The following FRMD4A variants were observed in gnomAD, a reference collection of about 807,000 sequenced individuals.
FRMD4A encodes FERM domain containing 4A, also known as FERM domain-containing protein 4A.
FRMD4A carries 29 observed loss-of-function variants against 129.1 expected under a neutral mutation model. The ratio of observed to expected loss-of-function variants is 0.22; its 90% CI spans 0.17 to 0.31. The LOEUF is 0.31. Ranked by LOEUF, FRMD4A falls within the 10% of genes least tolerant of loss-of-function variation. FRMD4A has a pLI of 1.00. For synonymous variants in FRMD4A, 634 were observed against 571.6 expected, an observed-to-expected ratio of 1.11 and a Z score of -1.56; for missense variants, 1,272 against 1,375.8, an observed-to-expected ratio of 0.92 and a Z score of 1.19.
intron 2 of FRMD4A, chr10:13,891,775 GCCGCCGCCC>G: frequency 4.2e-6 from 4 of 954,904 alleles, no homozygotes; most frequent in Non-Finnish European, 4.9e-6. Context: ...CCCCGTCCCC[GCCGCCGCCC>G]CCGCCGCGGG....
rs150347866 is a variant in FRMD4A, at chr10:13,660,411, A to G, written c.1803T>C (p.Tyr601=). 61 of 1,614,168 alleles carry G rather than the reference A, an allele frequency of 3.8e-5. No homozygotes were observed. In the African/African-American group the frequency reaches 7.9e-4, roughly 21 times the overall value. The change falls in exon 20 of 25, where the codon TAT becomes TAC. Residue 601 remains tyrosine (Y), a synonymous_variant. Coordinates refer to ENST00000357447, the MANE Select transcript of FRMD4A (RefSeq NM_018027.5). The stretch of plus-strand genomic sequence containing the variant: ...TTTTGGGCTTGATGGGTGACTTGTC[A>G]TAGTCGTTGCGGTGATAGTGCATCT... ...LRQMHYHRND[Y]DKSPIKPKMW...
chr10:13,769,994 G>A (rs527890655), intron 6 of FRMD4A, among the ~76,000 whole-genome samples: 4 of 152,154 alleles, frequency 2.6e-5, no homozygotes, highest in South Asian at 4.2e-4. Context: ...ATGATCTTGT[G>A]AGCCAACTCC....
intron 6 of FRMD4A, among the ~76,000 whole-genome samples, chr10:13,766,550 T>G (rs990594736): frequency 2.0e-5 from 3 of 152,188 alleles, no homozygotes; most frequent in Admixed American, 1.3e-4. Context: ...TCATTGGATG[T>G]TCTCATAGGA....
At chr10:13,792,680 C>A (rs1400573759) in intron 5 of FRMD4A, among the ~76,000 whole-genome samples, 1 of 152,184 alleles carries the variant, frequency 6.6e-6, no homozygotes, top group Non-Finnish European at 1.5e-5. Context: ...ATAGTTCCCG[C>A]CTCTCCAGTC....
intron 12 of FRMD4A, among the ~76,000 whole-genome samples, chr10:13,736,476 C>T (rs928118080): frequency 6.6e-6 from 1 of 152,238 alleles, no homozygotes; most frequent in African/African-American, 2.4e-5. Context: ...GAATTGTTCT[C>T]AGTCAATAAT....
intron 3 of FRMD4A, among the ~76,000 whole-genome samples, chr10:13,814,590 A>C (rs2093505690): frequency 6.9e-6 from 1 of 144,488 alleles, no homozygotes. Flanking sequence ...CAAAAAAAAA[A>C]AAAAAAAAAA....
At chr10:13,943,041 G>A (rs1325461528) in intron 2 of FRMD4A, among the ~76,000 whole-genome samples, 4 of 152,054 alleles carry the variant, frequency 2.6e-5, no homozygotes, top group Non-Finnish European at 2.9e-5. Flanking sequence ...GAAAGGGGGA[G>A]GTGGTTCATA....
At chr10:14,077,622 A>C (rs1339121386) in intron 2 of FRMD4A, among the ~76,000 whole-genome samples, 1 of 152,202 alleles carries the variant, frequency 6.6e-6, no homozygotes, top group East Asian at 1.9e-4. Flanking sequence ...CACTCGTGTC[A>C]ATGCTGAGAG....
intron 12 of FRMD4A, among the ~76,000 whole-genome samples, chr10:13,731,651 A>G (rs1403083681): frequency 1.4e-5 from 1 of 72,450 alleles, no homozygotes; most frequent in Non-Finnish European, 3.1e-5. Context: ...CTTCATCTCA[A>G]AAAAAAAAAA....
chr10:14,318,326 CA>C (rs575896737), intron 2 of FRMD4A, among the ~76,000 whole-genome samples: 2,109 of 18,522 alleles, frequency 0.11, 63 homozygotes, highest in East Asian at 0.33. Flanking sequence ...TATCCCCCCC[CA>C]CCTTTTTTTT....
chr10:13,674,874 A>C (rs372840914), intron 16 of FRMD4A, 37 bp downstream of exon 16: 33 of 1,605,412 alleles, frequency 2.1e-5, no homozygotes, highest in Non-Finnish European at 2.5e-5. Flanking sequence ...ATCACAGACA[A>C]CACCAATTTC....
chr10:13,771,100 A>T (rs1201880094), intron 6 of FRMD4A, among the ~76,000 whole-genome samples: 1 of 151,946 alleles, frequency 6.6e-6, no homozygotes, highest in Non-Finnish European at 1.5e-5. Context: ...TTTTTAAGAG[A>T]TGAGTTCTCT....
intron 2 of FRMD4A, among the ~76,000 whole-genome samples, chr10:13,883,263 G>A (rs566303159): frequency 2.0e-5 from 3 of 152,068 alleles, no homozygotes; most frequent in East Asian, 3.9e-4. Context: ...GCTGAGGCGG[G>A]TGGATTACCT....
intron 14 of FRMD4A, among the ~76,000 whole-genome samples, chr10:13,699,214 C>G (rs2086546207): frequency 7.8e-6 from 1 of 128,946 alleles, no homozygotes. Flanking sequence ...TGCCACGATG[C>G]TTGGTTATTG....
chr10:14,224,685 A>C (rs1377315843), intron 2 of FRMD4A, among the ~76,000 whole-genome samples: 4 of 152,208 alleles, frequency 2.6e-5, no homozygotes, highest in Non-Finnish European at 5.9e-5. Flanking sequence ...CAAAGCAGCA[A>C]AAGATAAGAG....
At chr10:14,256,501 T>G (rs1247516284) in intron 2 of FRMD4A, among the ~76,000 whole-genome samples, 1 of 152,216 alleles carries the variant, frequency 6.6e-6, no homozygotes, top group African/African-American at 2.4e-5. Flanking sequence ...TTCTAAATTT[T>G]TCATGGCAAT....
chr10:14,226,774 A>C (rs928397267), intron 2 of FRMD4A, among the ~76,000 whole-genome samples: 3 of 151,976 alleles, frequency 2.0e-5, no homozygotes, highest in African/African-American at 7.3e-5. Flanking sequence ...CCACCTCACG[A>C]GGGTCTCTCG....
intron 3 of FRMD4A, among the ~76,000 whole-genome samples, chr10:13,833,356 C>G (rs1392668376): frequency 6.6e-6 from 1 of 152,180 alleles, no homozygotes; most frequent in Non-Finnish European, 1.5e-5. Context: ...GATTTACTTA[C>G]TACCATGAGA....
intron 5 of FRMD4A, among the ~76,000 whole-genome samples, chr10:13,788,395 C>A (rs1255620080): frequency 3.3e-5 from 5 of 152,194 alleles, no homozygotes; most frequent in East Asian, 1.9e-4. Flanking sequence ...CCCAAAGAAA[C>A]CACAAAAAAT....
Sources: allele counts gnomAD v4.1 joint callset (sites outside exome capture counted in the v4.1 genomes callset), GRCh38; gene constraint gnomAD v4.1.1; transcripts MANE v1.5; gene names NCBI Gene and HGNC (gene_info 2026-07-23, HGNC 2026-07-21).